FKBP9: variants seen among roughly 807,000 people sequenced by gnomAD.
FKBP9 encodes the protein peptidyl-prolyl cis-trans isomerase FKBP9.
A neutral mutation model predicts 55.6 loss-of-function variants in FKBP9; 27 were observed. The ratio of observed to expected loss-of-function variants is 0.49; its 90% CI spans 0.36 to 0.67. The LOEUF is 0.67. FKBP9 is among the 30% of genes least tolerant of loss of function. The pLI is 0.00. For synonymous variants in FKBP9, 267 were observed against 296.5 expected, an observed-to-expected ratio of 0.90 and a Z score of 1.02; for missense variants, 539 against 742.8, an observed-to-expected ratio of 0.73 and a Z score of 3.19.
intron 1 of FKBP9, among the ~76,000 whole-genome samples, chr7:32,973,529 TATC>T (rs1784290832): frequency 6.6e-6 from 1 of 151,690 alleles, no homozygotes; most frequent in Non-Finnish European, 1.5e-5. Flanking sequence ...TTTATGCTGT[TATC>T]ATGCTGCCTC....
chr7:33,001,573 C>T lies in FKBP9; in HGVS notation c.1373-1103C>T, dbSNP rs1313642890. On this transcript the variant is annotated intron_variant, in intron 8 of 9. Transcript: ENST00000242209. Reference sequence around the variant, plus strand: ...TGTTGTATATTCTTTAAGACTTTTTCTGTGATATATTATTAATAATTATAA... The same window carrying T: ...TGTTGTATATTCTTTAAGACTTTTTTTGTGATATATTATTAATAATTATAA... Among the ~76,000 whole-genome samples, 17 of 151,680 alleles carry T rather than the reference C, an allele frequency of 1.1e-4. No individual in the cohort carries two copies. In the East Asian group the frequency reaches 3.3e-3, roughly 29 times the overall value.
At chr7:32,976,643 G>T in intron 4 of FKBP9, 144 bp downstream of exon 4, 1 of 1,204,756 alleles carries the variant, frequency 8.3e-7, no homozygotes, top group Non-Finnish European at 1.1e-6. Context: ...GCTACATGTG[G>T]CTATTAATTA....
chr7:32,994,504 G>A (rs373280497), intron 6 of FKBP9, among the ~76,000 whole-genome samples: 9,416 of 151,880 alleles, frequency 0.062, 359 homozygotes, highest in East Asian at 0.16. Flanking sequence ...AGAGCCATCC[G>A]TGGCCTGGCT....
chr7:32,963,970 G>A (rs1458692236), intron 1 of FKBP9, among the ~76,000 whole-genome samples: 3 of 152,230 alleles, frequency 2.0e-5, no homozygotes, highest in Non-Finnish European at 4.4e-5. Context: ...TGGTCCACAG[G>A]GAAGAGCCAG....
chr7:32,997,969 C>T (rs1463308948), intron 7 of FKBP9, among the ~76,000 whole-genome samples: 3 of 152,114 alleles, frequency 2.0e-5, no homozygotes, highest in Non-Finnish European at 4.4e-5. Flanking sequence ...TATCTCTGAC[C>T]AAGTAAAAAC....
chr7:32,967,302 C>T (rs1784163431), intron 1 of FKBP9, among the ~76,000 whole-genome samples: 1 of 152,224 alleles, frequency 6.6e-6, no homozygotes, highest in South Asian at 2.1e-4. Flanking sequence ...GCTATATTCA[C>T]ACTGTTGTGC....
At position 32,976,362 on chromosome 7, in the gene FKBP9, G is replaced by A. The variant is rs140953912; in HGVS notation, c.566G>A (p.Arg189His). ...DGTLFDSSHN[R>H]MKTYDTYVGI... ...TTCTCATTACCTTTCAGTCACAATC[G>A]CATGAAAACATATGACACGTATGTG... The change falls in exon 4 of 10, where the codon CGC becomes CAC. Residue 189 changes from arginine to histidine, a missense_variant. Arg to His is a conservative substitution (Grantham distance 29). Around this residue, in one of 4 missense-constraint regions of FKBP9, gnomAD observed 236 missense variants for 271.5 expected, o/e 0.87. Transcript: ENST00000242209. The A allele has an allele frequency of 2.2e-4, 358 of 1,613,822 alleles. 2 individuals are homozygous for A. The African/African-American group carries it at 3.4e-3, about 15-fold the overall frequency.
Position 33,006,443 on chromosome 7 carries a change from A to G in FKBP9, c.*1092A>G, listed in dbSNP as rs573248849. 1.2e-4 allele frequency: 25 copies of G among 202,932 alleles called. No homozygotes were observed. The highest frequency in any genetic ancestry group is 3.7e-4 in the East Asian group (5 of 13,434). 12.6% of individuals were successfully genotyped at this position (202,932 alleles called of 1,614,324 possible). Reference sequence around the variant, plus strand: ...AGTTTTTTCTTATTCCCACCTTTCTATCCCATAGAACACTCTTTTTTATCT... The same window carrying G: ...AGTTTTTTCTTATTCCCACCTTTCTGTCCCATAGAACACTCTTTTTTATCT... On this transcript the variant is annotated 3_prime_UTR_variant, in exon 10 of 10. Transcript: ENST00000242209.
chr7:32,961,874 G>A (rs1296665441), intron 1 of FKBP9, among the ~76,000 whole-genome samples: 2 of 152,028 alleles, frequency 1.3e-5, no homozygotes, highest in African/African-American at 4.8e-5. Context: ...GGACCATCTA[G>A]TTGCAGGAAA....
intron 1 of FKBP9, among the ~76,000 whole-genome samples, chr7:32,964,095 C>T (rs1370397984): frequency 6.6e-6 from 1 of 152,208 alleles, no homozygotes; most frequent in Non-Finnish European, 1.5e-5. Flanking sequence ...TGTGACTGCA[C>T]ATTGCAGCTC....
At chr7:33,000,403 T>C in intron 8 of FKBP9, 143 bp downstream of exon 8, 1 of 1,272,884 alleles carries the variant, frequency 7.9e-7, no homozygotes, top group South Asian at 1.6e-5. Context: ...TTTAAAAAAT[T>C]ATTTAGTATT....
At chr7:32,965,797 C>CA (rs760247071) in intron 1 of FKBP9, among the ~76,000 whole-genome samples, 3,382 of 38,554 alleles carry the variant, frequency 0.088, 307 homozygotes, top group South Asian at 0.13. Context: ...GACTCCATGT[C>CA]AAAAAAAAAA....
intron 1 of FKBP9, among the ~76,000 whole-genome samples, chr7:32,970,353 C>G (rs3109431): frequency 6.6e-6 from 1 of 152,054 alleles, no homozygotes; most frequent in East Asian, 1.9e-4. Flanking sequence ...TATGCCACCA[C>G]GCCTGTCTAA....
intron 1 of FKBP9, among the ~76,000 whole-genome samples, chr7:32,960,191 C>T (rs1783992810): frequency 6.9e-6 from 1 of 145,872 alleles, no homozygotes; most frequent in Middle Eastern, 3.8e-3. Context: ...CAGCTCACTG[C>T]AACCTCCCTG....
intron 1 of FKBP9, among the ~76,000 whole-genome samples, chr7:32,966,723 G>A (rs1048910026): frequency 3.3e-5 from 5 of 152,144 alleles, no homozygotes; most frequent in African/African-American, 7.2e-5. Context: ...GCATGCTGTC[G>A]TCAGCTTCTG....
chr7:32,979,263 CG>C (rs1562567920), intron 4 of FKBP9, among the ~76,000 whole-genome samples: 1 of 151,208 alleles, frequency 6.6e-6, no homozygotes, highest in African/African-American at 2.4e-5. Flanking sequence ...AGCGAGACTC[CG>C]TCTCAAGAAA....
At chr7:32,974,204 G>A (rs1054979153) in intron 1 of FKBP9, among the ~76,000 whole-genome samples, 1 of 151,184 alleles carries the variant, frequency 6.6e-6, no homozygotes, top group Non-Finnish European at 1.5e-5. Context: ...AGAGGCGGGG[G>A]GGCCTCACTT....
intron 1 of FKBP9, among the ~76,000 whole-genome samples, chr7:32,966,059 A>G (rs2127977337): frequency 6.8e-6 from 1 of 146,204 alleles, no homozygotes; most frequent in East Asian, 2.0e-4. Context: ...TGGGCGTGGT[A>G]GCGTGTGCCT....
intron 5 of FKBP9, among the ~76,000 whole-genome samples, chr7:32,988,240 TCATAACC>T: frequency 6.6e-6 from 1 of 152,332 alleles, no homozygotes; most frequent in Non-Finnish European, 1.5e-5. Flanking sequence ...GTGGTGCTTC[TCATAACC>T]CACACTGCAT....
Sources: gnomAD v4.1 joint callset for allele counts (sites outside exome capture counted in the v4.1 genomes callset) on GRCh38, gnomAD v4.1.1 for gene constraint, gnomAD v4.1.1 regional missense constraint, MANE v1.5 for transcripts, NCBI Gene and HGNC (gene_info 2026-07-23, HGNC 2026-07-21) for gene names.